ANO4: variants seen among roughly 807,000 people sequenced by gnomAD.
The protein encoded by ANO4 is anoctamin 4.
A neutral mutation model predicts 141.9 loss-of-function variants in ANO4; 69 were observed. The observed-to-expected ratio is 0.49, with a 90% CI of 0.40 to 0.59. ANO4 has a LOEUF of 0.59. ANO4 is among the 20% of genes least tolerant of loss of function. ANO4 has a pLI of 0.00. For synonymous variants in ANO4, 350 were observed against 394.3 expected, an observed-to-expected ratio of 0.89 and a Z score of 1.33; for missense variants, 894 against 1,162.2, an observed-to-expected ratio of 0.77 and a Z score of 3.36.
intron 1 of ANO4, among the ~76,000 whole-genome samples, chr12:100,807,519 G>T (rs2035133963): frequency 6.6e-6 from 1 of 152,058 alleles, no homozygotes; most frequent in South Asian, 2.1e-4. Context: ...AAACAATCAT[G>T]TTTTGGAGAA....
intron 1 of ANO4, among the ~76,000 whole-genome samples, chr12:100,894,965 C>CAA (rs764468746): frequency 0.36 from 36,339 of 101,864 alleles, 5,440 homozygotes; most frequent in East Asian, 0.6. Context: ...GACTCCATCT[C>CAA]AAAAAAAAAA....
upstream of ANO4, among the ~76,000 whole-genome samples, chr12:100,790,463 G>C (rs1344948616): frequency 1.3e-5 from 2 of 152,140 alleles, no homozygotes; most frequent in Non-Finnish European, 2.9e-5. Context: ...GAAGTTTAGA[G>C]GTAACATTGG....
intron 1 of ANO4, among the ~76,000 whole-genome samples, chr12:100,860,499 A>G (rs763582586): frequency 1.3e-5 from 2 of 152,174 alleles, no homozygotes; most frequent in South Asian, 4.1e-4. Context: ...ATCTGGGAAC[A>G]TACATGTACA....
chr12:101,063,856 A>G (rs1020407541), intron 14 of ANO4, among the ~76,000 whole-genome samples: 1 of 140,418 alleles, frequency 7.1e-6, no homozygotes, highest in African/African-American at 2.7e-5. Flanking sequence ...TCTAATTCCT[A>G]TAGGATGTGT....
chr12:100,895,966 T>G (rs1220609130), intron 1 of ANO4, among the ~76,000 whole-genome samples: 1 of 151,970 alleles, frequency 6.6e-6, no homozygotes, highest in Non-Finnish European at 1.5e-5. Flanking sequence ...AGGCTTGATG[T>G]TTAGGAGACA....
intron 3 of ANO4, among the ~76,000 whole-genome samples, chr12:100,748,529 G>A (rs904271268): frequency 6.6e-6 from 1 of 152,178 alleles, no homozygotes; most frequent in East Asian, 1.9e-4. Flanking sequence ...AAAAACCAGG[G>A]CAATATAAAT....
chr12:101,126,438 GCA>G (rs1403524122), intron 26 of ANO4, among the ~76,000 whole-genome samples: 3 of 152,128 alleles, frequency 2.0e-5, no homozygotes, highest in Non-Finnish European at 4.4e-5. Flanking sequence ...GATTTGTAAA[GCA>G]CTTGACAGTC....
intron 1 of ANO4, among the ~76,000 whole-genome samples, chr12:100,860,177 A>G (rs1473988411): frequency 3.9e-5 from 6 of 152,174 alleles, no homozygotes; most frequent in African/African-American, 1.4e-4. Flanking sequence ...ATTTGCATGT[A>G]AACTGGTTTG....
chr12:100,760,837 C>T (rs1263160306), intron 3 of ANO4, among the ~76,000 whole-genome samples: 1 of 152,152 alleles, frequency 6.6e-6, no homozygotes, highest in Non-Finnish European at 1.5e-5. Context: ...CTTCTCCTTG[C>T]CATCTGTACC....
At chr12:100,884,897 G>A (rs973760507) in intron 1 of ANO4, among the ~76,000 whole-genome samples, 2 of 152,170 alleles carry the variant, frequency 1.3e-5, no homozygotes, top group Non-Finnish European at 2.9e-5. Flanking sequence ...GTTTCACCAT[G>A]TTGTCCAGGC....
rs995462878 is a variant in ANO4, at chr12:101,128,268, G to A, written c.*412G>A. On this transcript the variant is annotated 3_prime_UTR_variant, in exon 28 of 28. Coordinates refer to ENST00000392977, the MANE Select transcript of ANO4 (RefSeq NM_001286615.2). ...ACACATGGACACACATTCCTAGAAT[G>A]TCATCATATGGTCCTAATTCCATGT... The A allele has an allele frequency of 6.6e-6, 1 of 152,584 alleles. No individual in the cohort carries two copies. The highest frequency in any genetic ancestry group is 2.4e-5 in the African/African-American group (1 of 41,440). 9.5% of individuals were successfully genotyped at this position (152,584 alleles called of 1,614,324 possible).
At chr12:101,032,959 C>G (rs147404793) in intron 9 of ANO4, among the ~76,000 whole-genome samples, 13 of 150,556 alleles carry the variant, frequency 8.6e-5, no homozygotes, top group Non-Finnish European at 1.5e-4. Flanking sequence ...CCAGCCATCC[C>G]ATTACTGGGT....
At chr12:101,068,306 A>G in intron 14 of ANO4, 1 of 1,337,522 alleles carries the variant, frequency 7.5e-7, no homozygotes, top group Non-Finnish European at 1.1e-6. Flanking sequence ...TGCTCCTACG[A>G]AGGCTGACTT....
intron 5 of ANO4, among the ~76,000 whole-genome samples, chr12:100,965,217 T>A (rs2043599434): frequency 6.6e-6 from 1 of 152,154 alleles, no homozygotes; most frequent in Non-Finnish European, 1.5e-5. Flanking sequence ...ATCTGTCCAG[T>A]TCCCCAGGCC....
At chr12:101,073,600 G>GAAAATAAT (rs1252532421) in intron 14 of ANO4, among the ~76,000 whole-genome samples, 10 of 66,048 alleles carry the variant, frequency 1.5e-4, no homozygotes, top group African/African-American at 6.7e-4. Context: ...AATAATAAAA[G>GAAAATAAT]AAAATAATAG....
chr12:101,004,661 C>G (rs2045798257), intron 8 of ANO4, among the ~76,000 whole-genome samples: 1 of 152,150 alleles, frequency 6.6e-6, no homozygotes, highest in African/African-American at 2.4e-5. Flanking sequence ...ATAGACAGCA[C>G]ACTCCCTAAT....
chr12:101,043,158 A>G (rs1004529599), intron 12 of ANO4, among the ~76,000 whole-genome samples: 3 of 152,216 alleles, frequency 2.0e-5, no homozygotes, highest in Non-Finnish European at 2.9e-5. Context: ...TATTAGTTTT[A>G]ACTTATCATA....
chr12:100,893,526 G>A lies in ANO4; in HGVS notation c.-140-8120G>A, dbSNP rs149485648. 2.3e-3 allele frequency among the ~76,000 whole-genome samples: 347 copies of A among 152,120 alleles called. 3 individuals carry two copies. The highest frequency in any genetic ancestry group is 7.8e-3 in the African/African-American group (324 of 41,450). ...TTAGTGTCTCCTTCTGGGACCCATG[G>A]CTAGTCGGGACATGTGCTTTTTATG... On this transcript the variant is annotated intron_variant, in intron 1 of 27. Coordinates refer to ENST00000392977, the MANE Select transcript of ANO4 (RefSeq NM_001286615.2).
At chr12:100,937,516 C>G (rs968207731) in intron 3 of ANO4, among the ~76,000 whole-genome samples, 1 of 152,130 alleles carries the variant, frequency 6.6e-6, no homozygotes, top group Non-Finnish European at 1.5e-5. Flanking sequence ...CCATAAGCAC[C>G]TAGCACAGTA....
Sources: gnomAD v4.1 joint callset for allele counts (sites outside exome capture counted in the v4.1 genomes callset) on GRCh38, gnomAD v4.1.1 for gene constraint, MANE v1.5 for transcripts, NCBI Gene and HGNC (gene_info 2026-07-23, HGNC 2026-07-21) for gene names.